C9: variants seen among roughly 807,000 people sequenced by gnomAD.
C9 encodes complement component C9.
A neutral mutation model predicts 65.4 loss-of-function variants in C9; 63 were observed. That is an observed-to-expected ratio of 0.96 (90% CI 0.79 to 1.19). The LOEUF is 1.19. Among genes scored for constraint, C9 ranks in the 50% most tolerant of loss-of-function variants. C9 has a pLI of 0.00. For missense variants in C9, 744 were observed against 670.1 expected, an observed-to-expected ratio of 1.11 and a Z score of -1.22; for synonymous variants, 229 against 227.9, an observed-to-expected ratio of 1.00 and a Z score of -0.04.
chr5:39,359,102 G>GTATGTATATATATATATA (rs1554052516), intron 1 of C9, among the ~76,000 whole-genome samples: 3 of 103,664 alleles, frequency 2.9e-5, no homozygotes, highest in Non-Finnish European at 5.8e-5. Context: ...GTGTGTGTGT[G>GTATGTATATATATATATA]TATATATATA....
chr5:39,358,884 C>G (rs1275266260), intron 1 of C9, among the ~76,000 whole-genome samples: 1 of 151,176 alleles, frequency 6.6e-6, no homozygotes, highest in African/African-American at 2.4e-5. Context: ...ACTAGGGAGG[C>G]TGAGACAGGA....
Position 39,311,350 on chromosome 5 carries a change from C to G in C9, c.898G>C (p.Glu300Gln). The change falls in exon 7 of 11, where the codon GAA becomes CAA. Residue 300 changes from glutamate (E) to glutamine (Q), a missense_variant. Transcript: ENST00000263408. ...ATTACAAATCTTCCCAGATGAATTT[C>G]TCCTTTCACATGCAGAAACATTTTT... ...KEKMFLHVKG[E>Q]IHLGRFVMRN... 6.2e-7 allele frequency: 1 copy of G among 1,612,762 alleles called. No homozygotes were observed. Among genetic ancestry groups the G allele is most frequent in the Non-Finnish European group, 8.5e-7 (1 of 1,179,120 alleles).
At chr5:39,311,512 G>T in intron 6 of C9, 135 bp from the exon 7 acceptor site, 1 of 770,776 alleles carries the variant, frequency 1.3e-6, no homozygotes, top group Non-Finnish European at 2.2e-6. Context: ...TAATCCACCA[G>T]AAGGGCTAAA....
At chr5:39,322,534 G>T (rs1347711403) in intron 5 of C9, among the ~76,000 whole-genome samples, 1 of 151,884 alleles carries the variant, frequency 6.6e-6, no homozygotes, top group East Asian at 1.9e-4. Context: ...CAACAGAAAA[G>T]GCCAACAAAA....
intron 4 of C9, among the ~76,000 whole-genome samples, chr5:39,333,845 C>T (rs932877091): frequency 9.9e-5 from 15 of 152,230 alleles, no homozygotes; most frequent in East Asian, 9.7e-4. Context: ...AGCTCCTAAC[C>T]GCGAGTGATC....
intron 1 of C9, among the ~76,000 whole-genome samples, chr5:39,360,964 A>G (rs1229390083): frequency 2.0e-5 from 3 of 152,230 alleles, no homozygotes; most frequent in African/African-American, 7.2e-5. Flanking sequence ...AAAATGATAT[A>G]TAAACAAGGA....
intron 1 of C9, among the ~76,000 whole-genome samples, chr5:39,359,671 G>T (rs835220): frequency 9.2e-5 from 14 of 152,030 alleles, no homozygotes; most frequent in Non-Finnish European, 2.1e-4. Context: ...TGCTCGATTA[G>T]GCTAGAGCAG....
chr5:39,331,801 C>G lies in C9; in HGVS notation c.490G>C (p.Gly164Arg), dbSNP rs375572455. The stretch of plus-strand genomic sequence containing the variant: ...AAAGGTGTGCTTAGGGGATCCATCC[C>G]TAAAATGTTGATCCTGAGAATGAAC... ...RTAGYGINIL[G>R]MDPLSTPFDN... is the part of the protein sequence containing the mutation. The change falls in exon 5 of 11, where the codon GGG (glycine) becomes CGG (arginine). Residue 164 changes from glycine to arginine, a missense_variant. Gly to Arg is a moderately radical substitution (Grantham distance 125, BLOSUM62 -2). Coordinates refer to ENST00000263408, the MANE Select transcript of C9 (RefSeq NM_001737.5). 1 of 1,613,450 alleles carries G rather than the reference C, an allele frequency of 6.2e-7. No homozygotes were observed. The highest frequency in any genetic ancestry group is 1.3e-5 in the African/African-American group (1 of 74,894).
chr5:39,289,422 T>C (rs1753049690), intron 9 of C9, among the ~76,000 whole-genome samples: 2 of 144,970 alleles, frequency 1.4e-5, no homozygotes, highest in South Asian at 4.6e-4. Flanking sequence ...GAAGGCAACC[T>C]TTTTCTAATT....
intron 9 of C9, among the ~76,000 whole-genome samples, chr5:39,300,889 G>T (rs938686189): frequency 6.6e-6 from 1 of 151,914 alleles, no homozygotes; most frequent in Non-Finnish European, 1.5e-5. Context: ...TTATTTCACT[G>T]GCTAGGACTC....
intron 5 of C9, among the ~76,000 whole-genome samples, chr5:39,330,595 G>A (rs914846733): frequency 6.6e-6 from 1 of 152,184 alleles, no homozygotes; most frequent in East Asian, 1.9e-4. Context: ...GAGAATGTAT[G>A]TAATACTTTT....
chr5:39,285,394 T>C (rs1579832668), intron 10 of C9, among the ~76,000 whole-genome samples, 161 bp from the exon 11 acceptor site: 1 of 152,236 alleles, frequency 6.6e-6, no homozygotes, highest in South Asian at 2.1e-4. Context: ...AAGGCACATT[T>C]TCATACCAGA....
intron 9 of C9, among the ~76,000 whole-genome samples, chr5:39,301,681 A>G (rs943182290): frequency 6.6e-6 from 1 of 151,862 alleles, no homozygotes; most frequent in Non-Finnish European, 1.5e-5. Flanking sequence ...TTCAAAATAA[A>G]AAGTACATAA....
chr5:39,359,102 G>GTGTGTGTATATATATATATA (rs1407613505), intron 1 of C9, among the ~76,000 whole-genome samples: 1,348 of 103,500 alleles, frequency 0.013, 18 homozygotes, highest in South Asian at 0.029. Context: ...GTGTGTGTGT[G>GTGTGTGTATATATATATATA]TATATATATA....
In C9 at chr5:39,315,872, G is replaced by C. The variant is rs561709823; in HGVS notation, c.773C>G (p.Thr258Arg). ...TNKAEQCCEE[T>R]ASSISLHGKG... Reference sequence around the variant, plus strand: ...GCCATGTAAAGAAATTGAGGAGGCTGTTTCCTCACAACATTGTTCAGCTTT... The same window carrying C: ...GCCATGTAAAGAAATTGAGGAGGCTCTTTCCTCACAACATTGTTCAGCTTT... The change falls in exon 6 of 11, where the codon ACA becomes AGA. Residue 258 changes from threonine to arginine, a missense_variant. Coordinates refer to ENST00000263408, the MANE Select transcript of C9 (RefSeq NM_001737.5). 3.7e-6 allele frequency: 6 copies of C among 1,612,742 alleles called. No homozygotes were observed. In the African/African-American group the frequency reaches 6.7e-5, roughly 18 times the overall value.
chr5:39,299,977 T>G (rs1010772773), intron 9 of C9, among the ~76,000 whole-genome samples: 1 of 152,298 alleles, frequency 6.6e-6, no homozygotes, highest in Non-Finnish European at 1.5e-5. Context: ...ATTAACATTA[T>G]GATATCTATT....
chr5:39,356,415 C>T (rs1754413919), intron 1 of C9, among the ~76,000 whole-genome samples: 1 of 152,320 alleles, frequency 6.6e-6, no homozygotes, highest in East Asian at 1.9e-4. Context: ...AGCCTCATGC[C>T]TTTTAGACAT....
Position 39,341,715 on chromosome 5 carries a change from T to C in C9, c.184-15A>G. 6.2e-7 allele frequency: 1 copy of C among 1,613,440 alleles called. No homozygotes were observed. On this transcript the variant is annotated splice_polypyrimidine_tract_variant and intron_variant, in intron 2 of 10. Coordinates refer to ENST00000263408, the MANE Select transcript of C9 (RefSeq NM_001737.5). ...CTTGAACGAAACTGCACAATATCAG[T>C]TGGAATGATTAGAATTTCTAATGCC...
chr5:39,346,174 G>A (rs1193251964), intron 1 of C9, among the ~76,000 whole-genome samples: 1 of 152,154 alleles, frequency 6.6e-6, no homozygotes, highest in Non-Finnish European at 1.5e-5. Flanking sequence ...TAAGATCAGA[G>A]CAGAACTGAA....
Sources: allele counts gnomAD v4.1 joint callset (sites outside exome capture counted in the v4.1 genomes callset), GRCh38; gene constraint gnomAD v4.1.1; transcripts MANE v1.5; gene names NCBI Gene and HGNC (gene_info 2026-07-23, HGNC 2026-07-21).